The following LRCH2 variants were observed in gnomAD, a reference collection of about 807,000 sequenced individuals.
LRCH2 encodes the protein leucine-rich repeat and calponin homology domain-containing protein 2.
A neutral mutation model predicts 68.9 loss-of-function variants in LRCH2; 38 were observed. That is an observed-to-expected ratio of 0.55 (90% CI 0.43 to 0.72). The LOEUF is 0.72. Among genes scored for constraint, LRCH2 ranks in the 30% least tolerant of loss-of-function variants. The pLI is 0.00. For synonymous variants in LRCH2, 191 were observed against 208.1 expected, an observed-to-expected ratio of 0.92 and a Z score of 0.71; for missense variants, 528 against 572.9, an observed-to-expected ratio of 0.92 and a Z score of 0.80.
chrX:115,229,899 C>T (rs1202416542), intron 1 of LRCH2, among the ~76,000 whole-genome samples: 1 of 111,822 alleles, frequency 8.9e-6, no homozygotes, highest in African/African-American at 3.2e-5. Flanking sequence ...TACAGGAAAA[C>T]ACGTGATTAT....
Position 115,179,668 on chromosome X carries a change from A to G in LRCH2, c.705T>C (p.Asn235=), listed in dbSNP as rs2072677006. 3 of 1,152,297 alleles carry G rather than the reference A, an allele frequency of 2.6e-6. No homozygotes were observed. The highest frequency in any genetic ancestry group is 3.5e-6 in the Non-Finnish European group (3 of 867,448). 95.0% of individuals were successfully genotyped at this position (1,152,297 alleles called of 1,213,427 possible). A position where few individuals can be genotyped will look rare whatever the true frequency, so the allele number is the denominator to read the frequency against. Residue 235 remains asparagine (N), a synonymous_variant, in exon 4 of 21, where the codon AAT becomes AAC. Coordinates refer to ENST00000317135, the MANE Select transcript of LRCH2 (RefSeq NM_020871.4). ...TACCATCTGGCAAAACATGAAGATT[A>G]TTTCTTCTTATATTTAGCTCTCTAA... is the stretch of plus-strand genomic sequence containing the variant. ...HSLRELNIRR[N]NLHVLPDELG...
At chrX:115,120,523 A>C (rs2147343303) in intron 20 of LRCH2, among the ~76,000 whole-genome samples, 1 of 62,639 alleles carries the variant, frequency 1.6e-5, no homozygotes, top group Non-Finnish European at 3.0e-5. Flanking sequence ...AGGAAACAAC[A>C]GGTGCTGGAG....
intron 1 of LRCH2, among the ~76,000 whole-genome samples, chrX:115,225,453 TA>T (rs1435572315): frequency 9.0e-6 from 1 of 111,646 alleles, no homozygotes; most frequent in Non-Finnish European, 1.9e-5. Context: ...CCTCGTGCTA[TA>T]CATAAAAATC....
intron 11 of LRCH2, among the ~76,000 whole-genome samples, chrX:115,159,623 C>T (rs1175693549): frequency 2.8e-5 from 3 of 108,735 alleles, no homozygotes; most frequent in East Asian, 2.9e-4. Flanking sequence ...TGGTGGCAGG[C>T]GCCTGTAGTC....
chrX:115,123,254 G>A (rs2072159748), intron 17 of LRCH2, 62 bp from the exon 18 acceptor site: 1 of 815,271 alleles, frequency 1.2e-6, no homozygotes, highest in Non-Finnish European at 1.8e-6. Flanking sequence ...ACTATTGATG[G>A]GGAAAGAGGC....
intron 5 of LRCH2, among the ~76,000 whole-genome samples, chrX:115,172,953 G>C (rs1441675128): frequency 3.6e-5 from 4 of 110,113 alleles, no homozygotes; most frequent in Admixed American, 9.7e-5. Flanking sequence ...GATCTTGCAT[G>C]TTTGAAACCT....
At chrX:115,137,179 G>A (rs2072297293) in intron 14 of LRCH2, among the ~76,000 whole-genome samples, 1 of 111,342 alleles carries the variant, frequency 9.0e-6, no homozygotes, top group African/African-American at 3.3e-5. Context: ...GCTGAGAAAG[G>A]AGGACCATTA....
chrX:115,146,722 A>G lies in LRCH2; in HGVS notation c.1695+3105T>C, dbSNP rs371176387. ...AGCGGCCTGGGAATCTAAAAGAGTC[A>G]ATGTAACTTTCCTACCATGATTTAC... On this transcript the variant is annotated intron_variant, in intron 14 of 20. Transcript: ENST00000317135. 1.1e-4 allele frequency among the ~76,000 whole-genome samples: 12 copies of G among 110,237 alleles called. No homozygotes were observed. In the East Asian group the frequency reaches 3.4e-3, roughly 31 times the overall value.
At chrX:115,207,267 G>A (rs1367103533) in intron 1 of LRCH2, among the ~76,000 whole-genome samples, 2 of 111,447 alleles carry the variant, frequency 1.8e-5, no homozygotes, top group Non-Finnish European at 3.8e-5. Context: ...GGGTGCAGTC[G>A]GTGGCTCATG....
At chrX:115,176,616 C>A (rs75512402) in intron 5 of LRCH2, among the ~76,000 whole-genome samples, 12,090 of 110,362 alleles carry the variant, frequency 0.11, 628 homozygotes, top group Non-Finnish European at 0.16. Context: ...CACACACACA[C>A]AAAAAATAAA....
Position 115,233,814 on chromosome X carries a change from G to T in LRCH2, c.228C>A (p.Thr76=), listed in dbSNP as rs1227116662. The part of the protein sequence containing the change: ...WNPGSLQPQH[T]VRSLDRALEE... Reference sequence around the variant, plus strand: ...CCAGGGCCCGGTCCAGGCTCCTCACGGTGTGCTGAGGCTGCAGGCTCCCCG... The same window carrying T: ...CCAGGGCCCGGTCCAGGCTCCTCACTGTGTGCTGAGGCTGCAGGCTCCCCG... Residue 76 remains threonine, a synonymous_variant, in exon 1 of 21, where the codon ACC becomes ACA. Coordinates refer to ENST00000317135, the MANE Select transcript of LRCH2 (RefSeq NM_020871.4). 6.8e-6 allele frequency: 8 copies of T among 1,170,226 alleles called. No homozygotes were observed. Among genetic ancestry groups the T allele is most frequent in the African/African-American group, 3.5e-5 (2 of 56,441 alleles).
At position 115,233,896 on chromosome X, in the gene LRCH2, GGGACCACCAGGGTCCCGC is replaced by G. The variant is rs1556579309; in HGVS notation, c.128_145del (p.Gly43_Pro49delinsAla). ...ACCGAAAAGAGTCGGTACCGGGATG[GGGACCACCAGGGTCCCGC>G]CGCCGCCGCCGCCTCCCCCTCCAGC... On this transcript the variant is annotated inframe_deletion, in exon 1 of 21. Transcript: ENST00000317135. The G allele has an allele frequency of 5.2e-6, 6 of 1,164,384 alleles. No individual in the cohort carries two copies. The Admixed American group carries it at 1.3e-4, about 25-fold the overall frequency.
chrX:115,160,503 C>G (rs953280134), intron 11 of LRCH2, among the ~76,000 whole-genome samples: 1 of 111,231 alleles, frequency 9.0e-6, no homozygotes, highest in African/African-American at 3.3e-5. Flanking sequence ...CTACTAGTAG[C>G]AAGTTAAAGA....
intron 20 of LRCH2, among the ~76,000 whole-genome samples, chrX:115,117,082 C>T (rs1456065442): frequency 9.0e-6 from 1 of 111,100 alleles, no homozygotes; most frequent in African/African-American, 3.3e-5. Flanking sequence ...AAATAAACAA[C>T]CCAATACAAA....
At chrX:115,131,276 C>T (rs1376862785) in intron 14 of LRCH2, among the ~76,000 whole-genome samples, 2 of 97,892 alleles carry the variant, frequency 2.0e-5, no homozygotes, top group African/African-American at 8.1e-5. Context: ...CCATGACAGG[C>T]CCTAGTGTGT....
chrX:115,114,279 A>G (rs1475944623), intron 20 of LRCH2, among the ~76,000 whole-genome samples: 1 of 111,431 alleles, frequency 9.0e-6, no homozygotes, highest in Non-Finnish European at 1.9e-5. Context: ...GTATCCCATA[A>G]AGAGTTCTCA....
chrX:115,125,430 T>TGTC (rs2072178801), intron 16 of LRCH2, among the ~76,000 whole-genome samples: 1 of 939 alleles, frequency 1.1e-3, no homozygotes, highest in Admixed American at 0.023. Flanking sequence ...TATATATATA[T>TGTC]ATATATATAT....
chrX:115,138,820 T>C (rs2072311757), intron 14 of LRCH2, among the ~76,000 whole-genome samples: 2 of 112,208 alleles, frequency 1.8e-5, no homozygotes, highest in African/African-American at 6.5e-5. Context: ...AATATATACA[T>C]AGATTTGAAA....
intron 1 of LRCH2, among the ~76,000 whole-genome samples, chrX:115,197,793 C>T (rs1420559516): frequency 1.1e-5 from 1 of 91,787 alleles, no homozygotes; most frequent in African/African-American, 4.1e-5. Context: ...CTCTCTACTA[C>T]ACTCCAGCCT....
Sources: allele counts gnomAD v4.1 joint callset (sites outside exome capture counted in the v4.1 genomes callset), GRCh38; gene constraint gnomAD v4.1.1; transcripts MANE v1.5; gene names NCBI Gene and HGNC (gene_info 2026-07-23, HGNC 2026-07-21).